EML1: variants seen among roughly 807,000 people sequenced by gnomAD.
The protein encoded by EML1 is echinoderm microtubule-associated protein-like 1.
Under a neutral mutation model 110.4 loss-of-function variants are expected in EML1, and 27 were observed. The observed-to-expected ratio is 0.24, with a 90% CI of 0.18 to 0.34. The LOEUF is 0.34. Among genes scored for constraint, EML1 ranks in the 10% least tolerant of loss-of-function variants. The pLI, the probability that EML1 is intolerant of heterozygous loss-of-function variation, is 1.00. For missense variants in EML1, 741 were observed against 1,030.9 expected (o/e 0.72, Z 3.85); for synonymous variants, 344 against 385.8 (o/e 0.89, Z 1.27).
At chr14:99,863,720 A>C (rs931104215) in intron 2 of EML1, among the ~76,000 whole-genome samples, 1 of 152,216 alleles carries the variant, frequency 6.6e-6, no homozygotes, top group African/African-American at 2.4e-5. Context: ...CAGTTTGTTT[A>C]TCTGTTCACC....
At chr14:99,780,486 T>G (rs1347111778) in intron 1 of EML1, among the ~76,000 whole-genome samples, 2 of 152,136 alleles carry the variant, frequency 1.3e-5, no homozygotes, top group East Asian at 3.8e-4. Context: ...TGTATGGAGG[T>G]TGTTTTTCTT....
At chr14:99,801,305 C>T (rs901167260) in intron 1 of EML1, among the ~76,000 whole-genome samples, 54 of 152,266 alleles carry the variant, frequency 3.5e-4, no homozygotes, top group South Asian at 2.9e-3. Context: ...TGTAGTCTCC[C>T]CTGTAAACAT....
At chr14:99,828,867 A>G (rs571478659) in intron 1 of EML1, among the ~76,000 whole-genome samples, 1 of 152,352 alleles carries the variant, frequency 6.6e-6, no homozygotes, top group African/African-American at 2.4e-5. Flanking sequence ...TGTTAGTGGA[A>G]GCGGGTCATC....
At chr14:99,796,186 C>CAGAGAG (rs57818494) in intron 1 of EML1, among the ~76,000 whole-genome samples, 4,364 of 119,124 alleles carry the variant, frequency 0.037, 131 homozygotes, top group Non-Finnish European at 0.047. Flanking sequence ...GACCCTGTCT[C>CAGAGAG]AGAGAGAGAG....
At chr14:99,844,216 C>T (rs1304204792) in intron 1 of EML1, among the ~76,000 whole-genome samples, 2 of 152,180 alleles carry the variant, frequency 1.3e-5, no homozygotes, top group Non-Finnish European at 2.9e-5. Flanking sequence ...CGCAGTGGCT[C>T]ACACCTGTAA....
intron 1 of EML1, among the ~76,000 whole-genome samples, chr14:99,830,443 T>C (rs1419291295): frequency 1.3e-5 from 2 of 152,232 alleles, no homozygotes; most frequent in Non-Finnish European, 2.9e-5. Flanking sequence ...AGGAAGCTTA[T>C]TCTCTGATGG....
At chr14:99,798,939 A>G (rs565046068) in intron 1 of EML1, among the ~76,000 whole-genome samples, 28 of 152,314 alleles carry the variant, frequency 1.8e-4, no homozygotes, top group African/African-American at 6.7e-4. Context: ...ACTTACTAAG[A>G]TATTTCAGCA....
intron 7 of EML1, among the ~76,000 whole-genome samples, chr14:99,897,769 C>T (rs1250070636): frequency 6.6e-6 from 1 of 152,092 alleles, no homozygotes; most frequent in East Asian, 1.9e-4. Flanking sequence ...GTCGGCTCTT[C>T]CCATAATTCA....
intron 17 of EML1, among the ~76,000 whole-genome samples, chr14:99,932,787 A>G (rs1373089510): frequency 6.6e-6 from 1 of 151,958 alleles, no homozygotes; most frequent in African/African-American, 2.4e-5. Flanking sequence ...TTTTCCTTAA[A>G]TAGCCAATTG....
At chr14:99,794,957 T>C (rs1423770358) in intron 1 of EML1, among the ~76,000 whole-genome samples, 2 of 152,248 alleles carry the variant, frequency 1.3e-5, no homozygotes, top group African/African-American at 4.8e-5. Context: ...AATTGACTTA[T>C]AATCAATCAT....
intron 1 of EML1, among the ~76,000 whole-genome samples, chr14:99,800,933 G>A (rs769199942): frequency 2.0e-5 from 3 of 152,236 alleles, no homozygotes; most frequent in Non-Finnish European, 4.4e-5. Context: ...GGGCCTGCCC[G>A]AGGTAGGGAG....
intron 6 of EML1, among the ~76,000 whole-genome samples, chr14:99,895,980 G>T (rs1179172738): frequency 6.6e-6 from 1 of 152,076 alleles, no homozygotes; most frequent in Non-Finnish European, 1.5e-5. Flanking sequence ...TGAAACAGAG[G>T]TGCTGGTAGC....
intron 6 of EML1, among the ~76,000 whole-genome samples, chr14:99,895,261 C>G (rs967814301): frequency 3.3e-5 from 5 of 152,022 alleles, no homozygotes; most frequent in African/African-American, 1.2e-4. Flanking sequence ...AAGAGATAGT[C>G]TCTCCCTATG....
rs2060300311 is a variant in EML1 at position 99,928,215 on chromosome 14, A to ATGGTGGTGGTGATGGTGG, written c.1909+7349_1909+7350insATGGTGGTGGTGGTGGTG. Among the ~76,000 whole-genome samples the ATGGTGGTGGTGATGGTGG allele has an allele frequency of 5.9e-4, 2 of 3,362 alleles. 1 individual carries two copies. The allele number at this position is 3,362 out of a possible 152,430, so 2.2% of individuals were successfully genotyped here. A position where few individuals can be genotyped will look rare whatever the true frequency, so the allele number is the denominator to read the frequency against. The stretch of plus-strand genomic sequence containing the variant: ...GGTGGTGGTGGTGGTGGTGATGGTG[A>ATGGTGGTGGTGATGGTGG]TGGTGGTGGTGGTGGTGGTGGTGGT... On this transcript the variant is annotated intron_variant, in intron 17 of 21. Coordinates refer to ENST00000262233, the MANE Select transcript of EML1 (RefSeq NM_004434.3).
intron 17 of EML1, among the ~76,000 whole-genome samples, chr14:99,929,931 A>T (rs1346540511): frequency 1.3e-5 from 2 of 152,126 alleles, no homozygotes; most frequent in Non-Finnish European, 1.5e-5. Flanking sequence ...TGATGGCCAG[A>T]GGAAAAGCTA....
rs866291698 is a variant in EML1, at chr14:99,739,530, A to G, written c.28+1670A>G. On this transcript the variant is annotated intron_variant, in intron 1 of 10. Coordinates refer to the EML1 transcript ENST00000554479. ...TCCCCATCTAGGAGAGGGTCAGCCC[A>G]GTTGGGTTGGGAGGTGGGGCTTGGA... 2.6e-4 allele frequency among the ~76,000 whole-genome samples: 39 copies of G among 152,258 alleles called. 1 individual carries two copies. In the South Asian group the frequency reaches 6.4e-3, roughly 25 times the overall value.
At position 99,875,031 on chromosome 14, in the gene EML1, C is replaced by G. The variant is rs141097364; in HGVS notation, c.384-3454C>G. ...TACTTTGTCACCATAGCTGTTCCTT[C>G]CATTGTTTCCATCTCTGTTTTAACG... is the stretch of plus-strand genomic sequence containing the variant. On this transcript the variant is annotated intron_variant, in intron 3 of 21. Transcript: ENST00000262233. 3 of 1,584,034 alleles carry G rather than the reference C, an allele frequency of 1.9e-6. No individual in the cohort carries two copies. The South Asian group carries it at 3.3e-5, about 18-fold the overall frequency.
At chr14:99,866,281 G>A (rs564913439) in intron 3 of EML1, among the ~76,000 whole-genome samples, 1 of 152,044 alleles carries the variant, frequency 6.6e-6, no homozygotes, top group Non-Finnish European at 1.5e-5. Flanking sequence ...GTAGAGTTCA[G>A]TAGTGCTGGC....
Position 99,898,278 on chromosome 14 carries a change from TG to T in EML1, c.874del (p.Ala292ArgfsTer20). ...DRITIATGQVAGTSKDGKQLP... is the reference protein window; with the variant it reads ...DRITIATGQVXGTSKDGKQLP... ...GGATCACGATAGCAACAGGACAAGT[TG>T]CGGGCACATCGAAGGATGGAAAAGT... On this transcript the variant is annotated frameshift_variant, in exon 8 of 22. Transcript: ENST00000262233. LOFTEE classifies it high-confidence loss of function. The T allele has an allele frequency of 6.2e-7, 1 of 1,611,772 alleles. No individual in the cohort carries two copies. Among genetic ancestry groups the T allele is most frequent in the Non-Finnish European group, 8.5e-7 (1 of 1,178,566 alleles).
Sources: gnomAD v4.1 joint callset for allele counts (sites outside exome capture counted in the v4.1 genomes callset) on GRCh38, gnomAD v4.1.1 for gene constraint, MANE v1.5 for transcripts, NCBI Gene and HGNC (gene_info 2026-07-23, HGNC 2026-07-21) for gene names.